Variants in FANK1 observed in about 807,000 individuals in gnomAD.
FANK1 encodes the protein fibronectin type 3 and ankyrin repeat domains protein 1.
Under a neutral mutation model 45.3 loss-of-function variants are expected in FANK1, and 44 were observed. That is an observed-to-expected ratio of 0.97 (90% CI 0.76 to 1.25). The LOEUF is 1.25. FANK1 is among the 50% of genes most tolerant of loss of function. The pLI is 0.00. For synonymous variants in FANK1, 149 were observed against 152.5 expected (o/e 0.98, Z 0.17); for missense variants, 391 against 424.4 (o/e 0.92, Z 0.69).
At chr10:125,981,542 A>G (rs377116963) in intron 2 of FANK1, among the ~76,000 whole-genome samples, 2 of 151,784 alleles carry the variant, frequency 1.3e-5, no homozygotes. Context: ...TAGTCTTCAT[A>G]TCATCTCTGA....
At chr10:126,008,904 C>A (rs559483941) in intron 8 of FANK1, 150 bp from the exon 9 acceptor site, 4 of 695,614 alleles carry the variant, frequency 5.8e-6, no homozygotes, top group Non-Finnish European at 9.7e-6. Context: ...GCAGAGGAAG[C>A]GCTGTGCCTG....
intron 6 of FANK1, among the ~76,000 whole-genome samples, chr10:126,001,961 AT>A (rs899426898): frequency 6.6e-6 from 1 of 151,776 alleles, no homozygotes; most frequent in Admixed American, 6.6e-5. Context: ...CTGATATGGG[AT>A]TTTTTTTCTA....
chr10:125,937,555 A>G (rs1485127467), intron 1 of FANK1, among the ~76,000 whole-genome samples: 1 of 152,216 alleles, frequency 6.6e-6, no homozygotes, highest in Non-Finnish European at 1.5e-5. Context: ...TTCCCATATG[A>G]AGGAGTCTGA....
chr10:125,904,197 CA>C (rs1325956072), intron 1 of FANK1, among the ~76,000 whole-genome samples: 6 of 148,784 alleles, frequency 4.0e-5, no homozygotes, highest in Non-Finnish European at 6.0e-5. Flanking sequence ...AAAAGTCAAT[CA>C]TTTTTTTAAA....
At chr10:126,005,556 C>T (rs1953133670) in intron 7 of FANK1, among the ~76,000 whole-genome samples, 1 of 152,184 alleles carries the variant, frequency 6.6e-6, no homozygotes, top group Non-Finnish European at 1.5e-5. Flanking sequence ...GATCCACCCA[C>T]CTCAGCCTCC....
chr10:125,898,264 C>T (rs1206244934), intron 1 of FANK1, among the ~76,000 whole-genome samples: 2 of 152,152 alleles, frequency 1.3e-5, no homozygotes, highest in African/African-American at 4.8e-5. Context: ...TCAAGTTCTT[C>T]AGTGCTGTCT....
intron 4 of FANK1, among the ~76,000 whole-genome samples, chr10:125,996,053 TAAGAG>T (rs1364188304): frequency 1.3e-5 from 2 of 152,222 alleles, no homozygotes; most frequent in Non-Finnish European, 2.9e-5. Flanking sequence ...TTGGAGCTCT[TAAGAG>T]AAGGTTCCCA....
chr10:126,008,633 G>A, intron 8 of FANK1, 83 bp downstream of exon 8: 1 of 1,488,968 alleles, frequency 6.7e-7, no homozygotes, highest in East Asian at 2.3e-5. Flanking sequence ...ATTCTTGTGA[G>A]TTCAGCCCTG....
chr10:125,998,448 C>T (rs11244755), intron 6 of FANK1, among the ~76,000 whole-genome samples: 35,528 of 151,860 alleles, frequency 0.23, 5,028 homozygotes, highest in Non-Finnish European at 0.32. Flanking sequence ...AAGCCATCAA[C>T]TCCAAGTTTG....
intron 1 of FANK1, among the ~76,000 whole-genome samples, chr10:125,913,825 A>T (rs1488381086): frequency 6.6e-6 from 1 of 152,184 alleles, no homozygotes; most frequent in Admixed American, 6.5e-5. Context: ...TGCTGTGTGA[A>T]TGGTGCCTAC....
chr10:125,956,842 C>T (rs926526223), intron 1 of FANK1, among the ~76,000 whole-genome samples: 7 of 152,164 alleles, frequency 4.6e-5, no homozygotes, highest in South Asian at 2.1e-4. Context: ...AGGGCGAGTT[C>T]GGGGTAGTAT....
chr10:125,909,911 T>C (rs1390710605), intron 1 of FANK1, among the ~76,000 whole-genome samples: 1 of 152,058 alleles, frequency 6.6e-6, no homozygotes, highest in Non-Finnish European at 1.5e-5. Flanking sequence ...GTTAGTCACA[T>C]CCCACAAGTT....
intron 1 of FANK1, among the ~76,000 whole-genome samples, chr10:125,947,428 G>A (rs1948887219): frequency 6.7e-6 from 1 of 149,042 alleles, no homozygotes; most frequent in Non-Finnish European, 1.5e-5. Flanking sequence ...GATCTACCAA[G>A]CAAATGGAAA....
In FANK1 at chr10:125,999,687, G is replaced by C. The variant is rs190632494; in HGVS notation, c.539+2202G>C. Among the ~76,000 whole-genome samples, 28 of 152,254 alleles carry C rather than the reference G, an allele frequency of 1.8e-4. 1 individual carries two copies. Among genetic ancestry groups the C allele is most frequent in the African/African-American group, 6.5e-4 (27 of 41,544 alleles). ...CCCTCTGAGGATGTGGCGTGACCTTGGGCAGGCTACCTAACCTCTCCGTAT... is the reference window on the plus strand; with the variant it reads ...CCCTCTGAGGATGTGGCGTGACCTTCGGCAGGCTACCTAACCTCTCCGTAT... On this transcript the variant is annotated intron_variant, in intron 6 of 10. Coordinates refer to ENST00000368693, the MANE Select transcript of FANK1 (RefSeq NM_145235.5).
chr10:125,985,772 C>A (rs1252349174), intron 2 of FANK1, among the ~76,000 whole-genome samples: 1 of 152,194 alleles, frequency 6.6e-6, no homozygotes, highest in Non-Finnish European at 1.5e-5. Context: ...TTGGCCGTTG[C>A]AGCTCTCTTG....
At chr10:125,933,918 A>G (rs1947911074) in intron 1 of FANK1, among the ~76,000 whole-genome samples, 1 of 152,122 alleles carries the variant, frequency 6.6e-6, no homozygotes, top group African/African-American at 2.4e-5. Context: ...CAGGTTACTT[A>G]ACTTCCGTGT....
Position 125,994,346 on chromosome 10 carries a change from C to T in FANK1, c.317-1071C>T, listed in dbSNP as rs1201088916. 3.1e-6 allele frequency: 3 copies of T among 971,914 alleles called. No individual in the cohort carries two copies. In the African/African-American group the frequency reaches 5.3e-5, roughly 17 times the overall value. 60.2% of individuals were successfully genotyped at this position (971,914 alleles called of 1,614,324 possible). On this transcript the variant is annotated intron_variant, in intron 3 of 10. Coordinates refer to ENST00000368693, the MANE Select transcript of FANK1 (RefSeq NM_145235.5). The stretch of plus-strand genomic sequence containing the variant: ...TCTTTTCATGCTAACCCCCTAGAGC[C>T]TAGCACAGGACTTGGCATGTACATT...
chr10:125,981,775 G>C (rs1951236539), intron 2 of FANK1, among the ~76,000 whole-genome samples: 1 of 152,156 alleles, frequency 6.6e-6, no homozygotes, highest in Non-Finnish European at 1.5e-5. Flanking sequence ...GTCACAGTCA[G>C]GATATTGGCA....
intron 1 of FANK1, among the ~76,000 whole-genome samples, chr10:125,936,992 G>A (rs982653724): frequency 5.3e-5 from 8 of 152,024 alleles, no homozygotes; most frequent in Admixed American, 2.0e-4. Flanking sequence ...GCTTGAACCC[G>A]GATGGCGGAG....
Sources: allele counts gnomAD v4.1 joint callset (sites outside exome capture counted in the v4.1 genomes callset), GRCh38; gene constraint gnomAD v4.1.1; transcripts MANE v1.5; gene names NCBI Gene and HGNC (gene_info 2026-07-23, HGNC 2026-07-21).